The following SIPA1L3 variants were observed in gnomAD, a reference collection of about 807,000 sequenced individuals.
SIPA1L3 encodes signal-induced proliferation-associated 1-like protein 3.
SIPA1L3 carries 59 observed loss-of-function variants against 150.1 expected under a neutral mutation model. The ratio of observed to expected loss-of-function variants is 0.39; its 90% CI spans 0.32 to 0.49. The LOEUF (loss-of-function observed/expected upper bound fraction) is 0.49. SIPA1L3 is among the 20% of genes least tolerant of loss of function. The pLI, the probability that SIPA1L3 is intolerant of heterozygous loss-of-function variation, is 0.86. For synonymous variants in SIPA1L3, 1,070 were observed against 1,077.6 expected (o/e 0.99, Z 0.14); for missense variants, 2,211 against 2,489.5 (o/e 0.89, Z 2.38).
Position 38,208,295 on chromosome 19 carries a change from T to C in SIPA1L3, c.*2055T>C, listed in dbSNP as rs1306028879. On this transcript the variant is annotated 3_prime_UTR_variant, in exon 22 of 22. Transcript: ENST00000222345. ...TTTTATTATTCTTTATTGTCTTTTT[T>C]TTTTCCCCATCCCTGTCTTGAGATT... 2 of 152,478 alleles carry C rather than the reference T, an allele frequency of 1.3e-5. No individual in the cohort carries two copies. Among genetic ancestry groups the C allele is most frequent in the Admixed American group, 1.3e-4 (2 of 15,252 alleles). 9.4% of individuals were successfully genotyped at this position (152,478 alleles called of 1,614,324 possible). A position where few individuals can be genotyped will look rare whatever the true frequency, so the allele number is the denominator to read the frequency against.
Position 38,082,867 on chromosome 19 carries a change from C to T in SIPA1L3, c.1302C>T (p.Ile434=), listed in dbSNP as rs368559210. The change falls in exon 3 of 22, where the codon ATC becomes ATT. Residue 434 remains isoleucine (I), a synonymous_variant. Transcript: ENST00000222345. ...GCTGCCCGCACTTCCGCAATGAGAT[C>T]GGGGGCGAGTGTGAGCGCAACGTGA... ...LLSCPHFRNE[I]GGECERNVSF... The T allele has an allele frequency of 4.3e-6, 7 of 1,613,600 alleles. No homozygotes were observed. Among genetic ancestry groups the T allele is most frequent in the African/African-American group, 1.3e-5 (1 of 75,060 alleles).
At chr19:38,148,635 G>A (rs566770785) in intron 12 of SIPA1L3, among the ~76,000 whole-genome samples, 137 of 152,228 alleles carry the variant, frequency 9.0e-4, no homozygotes, top group Non-Finnish European at 1.6e-3. Context: ...TTGACAGAGC[G>A]GGCTGGAGCT....
chr19:37,997,941 G>A lies in SIPA1L3; in HGVS notation c.-378-31148G>A, dbSNP rs541464339. On this transcript the variant is annotated intron_variant, in intron 1 of 21. Transcript: ENST00000222345. ...AACCTAGAGCACTGGTCTCCCAATT[G>A]GTAGAAGGCCCCAAATGGCACCTTG... 5.3e-5 allele frequency among the ~76,000 whole-genome samples: 8 copies of A among 152,096 alleles called. No individual in the cohort carries two copies. In the South Asian group the frequency reaches 1.5e-3, roughly 28 times the overall value.
chr19:38,027,066 C>A (rs985059360), intron 1 of SIPA1L3, among the ~76,000 whole-genome samples: 1 of 152,096 alleles, frequency 6.6e-6, no homozygotes, highest in Non-Finnish European at 1.5e-5. Context: ...CCAAGGTGGG[C>A]GGATCGCTTG....
intron 9 of SIPA1L3, among the ~76,000 whole-genome samples, chr19:38,120,880 T>A (rs985540974): frequency 1.3e-5 from 2 of 152,230 alleles, no homozygotes; most frequent in East Asian, 1.9e-4. Flanking sequence ...CGCCGTGCCA[T>A]GTGTGCTAAA....
chr19:38,180,692 C>T (rs771090829), intron 15 of SIPA1L3, among the ~76,000 whole-genome samples: 5 of 151,850 alleles, frequency 3.3e-5, no homozygotes, highest in South Asian at 2.1e-4. Context: ...TATATGGATG[C>T]GCCACCACAC....
intron 1 of SIPA1L3, among the ~76,000 whole-genome samples, chr19:38,020,055 T>C (rs1408785350): frequency 6.6e-6 from 1 of 152,102 alleles, no homozygotes; most frequent in African/African-American, 2.4e-5. Context: ...ACTGCACCAC[T>C]GCACTCCACC....
intron 19 of SIPA1L3, 28 bp downstream of exon 19, chr19:38,198,560 G>A: frequency 6.8e-7 from 1 of 1,480,162 alleles, no homozygotes; most frequent in Non-Finnish European, 9.0e-7. Flanking sequence ...AGTCCCGCCA[G>A]GCCCCCACCC....
intron 16 of SIPA1L3, among the ~76,000 whole-genome samples, chr19:38,187,774 G>A (rs376189648): frequency 6.7e-6 from 1 of 148,948 alleles, no homozygotes; most frequent in Admixed American, 6.7e-5. Flanking sequence ...AAGGCGAGTG[G>A]ATCACCTGAG....
intron 1 of SIPA1L3, among the ~76,000 whole-genome samples, chr19:38,000,877 T>A (rs56880853): frequency 0.056 from 8,102 of 143,560 alleles, 791 homozygotes; most frequent in African/African-American, 0.19. Flanking sequence ...TCCAAGTTTT[T>A]TATATATATA....
chr19:38,153,669 C>CAAAAA (rs11309008), intron 13 of SIPA1L3, among the ~76,000 whole-genome samples: 2 of 115,248 alleles, frequency 1.7e-5, no homozygotes, highest in East Asian at 5.5e-4. Flanking sequence ...GATTCTGTCT[C>CAAAAA]AAAAAAAAAA....
At chr19:37,939,914 G>A (rs940593332) in intron 1 of SIPA1L3, among the ~76,000 whole-genome samples, 4 of 152,198 alleles carry the variant, frequency 2.6e-5, no homozygotes, top group Non-Finnish European at 5.9e-5. Context: ...GGTACCTGTA[G>A]ATGATGCCCT....
At chr19:38,062,234 T>G (rs1456187815) in intron 2 of SIPA1L3, among the ~76,000 whole-genome samples, 18 of 152,158 alleles carry the variant, frequency 1.2e-4, no homozygotes. Context: ...CTGCCTTAAG[T>G]CACCCAGGAG....
intron 2 of SIPA1L3, among the ~76,000 whole-genome samples, chr19:38,048,675 G>A (rs995110656): frequency 6.6e-6 from 1 of 152,202 alleles, no homozygotes; most frequent in Non-Finnish European, 1.5e-5. Flanking sequence ...TTAGCAAATC[G>A]TGTCAGGCCC....
intron 2 of SIPA1L3, among the ~76,000 whole-genome samples, chr19:38,070,760 T>C (rs1377744320): frequency 6.6e-6 from 1 of 152,224 alleles, no homozygotes; most frequent in Non-Finnish European, 1.5e-5. Flanking sequence ...AAATGACTTG[T>C]ACGTGCCCAG....
chr19:37,980,964 C>G (rs1404543922), intron 1 of SIPA1L3, among the ~76,000 whole-genome samples: 5 of 152,222 alleles, frequency 3.3e-5, no homozygotes. Flanking sequence ...CAGTTCTCAT[C>G]TTTTCAGTAG....
intron 15 of SIPA1L3, among the ~76,000 whole-genome samples, 158 bp from the exon 16 acceptor site, chr19:38,182,361 G>A (rs542856472): frequency 6.6e-6 from 1 of 152,232 alleles, no homozygotes; most frequent in South Asian, 2.1e-4. Flanking sequence ...CTACAGATAG[G>A]CGTCTATACT....
intron 15 of SIPA1L3, among the ~76,000 whole-genome samples, chr19:38,175,974 G>A (rs979119605): frequency 2.0e-5 from 3 of 152,226 alleles, no homozygotes; most frequent in Non-Finnish European, 2.9e-5. Flanking sequence ...TTGGGAGGCC[G>A]AGGCGGGCGG....
At chr19:38,124,304 C>A (rs1295634102) in intron 9 of SIPA1L3, among the ~76,000 whole-genome samples, 1 of 148,914 alleles carries the variant, frequency 6.7e-6, no homozygotes, top group East Asian at 2.1e-4. Flanking sequence ...CGGGCAGAGA[C>A]GCTCCTCACC....
Sources: gnomAD v4.1 joint callset for allele counts (sites outside exome capture counted in the v4.1 genomes callset) on GRCh38, gnomAD v4.1.1 for gene constraint, MANE v1.5 for transcripts, NCBI Gene and HGNC (gene_info 2026-07-23, HGNC 2026-07-21) for gene names.